The following ASTN2 variants were observed in gnomAD, a reference collection of about 807,000 sequenced individuals.
The protein encoded by ASTN2 is astrotactin-2.
In ASTN2, 54 loss-of-function variants were observed where a neutral mutation model predicts 139.8. That is an observed-to-expected ratio of 0.39 (90% CI 0.31 to 0.48). ASTN2 has a LOEUF of 0.48. ASTN2 is among the 20% of genes least tolerant of loss of function. The probability of loss-of-function intolerance (pLI) is 0.95; values close to 1 mark genes in which losing one functional copy is unlikely to be tolerated. For missense variants in ASTN2, 1,565 were observed against 1,725.1 expected (o/e 0.91, Z 1.64); for synonymous variants, 756 against 719.5 (o/e 1.05, Z -0.81).
intron 10 of ASTN2, among the ~76,000 whole-genome samples, chr9:116,957,923 C>T (rs1017278552): frequency 2.3e-4 from 35 of 152,158 alleles, no homozygotes; most frequent in African/African-American, 8.2e-4. Context: ...TCGTGATCCA[C>T]CTGCCTTGGC....
chr9:116,450,558 T>C (rs1485585265), intron 20 of ASTN2, among the ~76,000 whole-genome samples: 1 of 152,150 alleles, frequency 6.6e-6, no homozygotes, highest in East Asian at 1.9e-4. Context: ...CCCACCATGC[T>C]CTGCTCTCAC....
chr9:117,235,060 C>A (rs1047550125), intron 2 of ASTN2, among the ~76,000 whole-genome samples: 1 of 151,992 alleles, frequency 6.6e-6, no homozygotes, highest in Non-Finnish European at 1.5e-5. Context: ...ATGGTGAAAC[C>A]CTGACTCTAC....
At chr9:116,655,692 C>T (rs1354874011) in intron 16 of ASTN2, among the ~76,000 whole-genome samples, 1 of 151,974 alleles carries the variant, frequency 6.6e-6, no homozygotes, top group East Asian at 1.9e-4. Flanking sequence ...TAACGTACAC[C>T]AAGATTTTTT....
intron 3 of ASTN2, among the ~76,000 whole-genome samples, chr9:117,199,462 TTCTGTTCCATTGG>T (rs1240924986): frequency 6.6e-5 from 10 of 152,338 alleles, no homozygotes; most frequent in African/African-American, 2.4e-4. Context: ...GAAGTCTCTG[TTCTGTTCCATTGG>T]TCTATATGTC....
chr9:116,987,405 G>A lies in ASTN2; in HGVS notation c.1592-10620C>T, dbSNP rs12236213. Among the ~76,000 whole-genome samples, 20 of 152,306 alleles carry A rather than the reference G, an allele frequency of 1.3e-4. No homozygotes were observed. The East Asian group carries it at 2.1e-3, about 16-fold the overall frequency. On this transcript the variant is annotated intron_variant, in intron 7 of 22. Coordinates refer to ENST00000313400, the MANE Select transcript of ASTN2 (RefSeq NM_001365068.1). ...AGGCTGCCAGCCAGGTCCCATGAGGGCCCCTGCTCCAGACTCTCAGCCAGG... is the reference window on the plus strand; with the variant it reads ...AGGCTGCCAGCCAGGTCCCATGAGGACCCCTGCTCCAGACTCTCAGCCAGG...
chr9:116,697,618 A>G (rs1860931339), intron 16 of ASTN2: 7 of 1,227,206 alleles, frequency 5.7e-6, no homozygotes, highest in Non-Finnish European at 8.0e-6. Flanking sequence ...GAATTTATTT[A>G]TATAGTCAGA....
At chr9:117,127,773 CG>C (rs1474768171) in intron 4 of ASTN2, among the ~76,000 whole-genome samples, 1 of 149,186 alleles carries the variant, frequency 6.7e-6, no homozygotes, top group Non-Finnish European at 1.5e-5. Flanking sequence ...CTCCACCTCC[CG>C]GGTTCACGCC....
chr9:117,063,535 C>G (rs1839356978), intron 5 of ASTN2, among the ~76,000 whole-genome samples: 1 of 152,184 alleles, frequency 6.6e-6, no homozygotes, highest in African/African-American at 2.4e-5. Flanking sequence ...ACTGTGAGGC[C>G]TCCCCAGCCA....
At chr9:116,967,039 G>T (rs1356712556) in intron 10 of ASTN2, among the ~76,000 whole-genome samples, 2 of 152,172 alleles carry the variant, frequency 1.3e-5, no homozygotes, top group Non-Finnish European at 2.9e-5. Flanking sequence ...ACATCTTTGT[G>T]CCTCAGTTTC....
intron 17 of ASTN2, among the ~76,000 whole-genome samples, chr9:116,630,900 G>C (rs1856714048): frequency 6.6e-6 from 1 of 151,914 alleles, no homozygotes; most frequent in Admixed American, 6.6e-5. Context: ...GGGCAAGAGA[G>C]CTGAATAGAC....
chr9:117,397,523 T>A (rs188253233), intron 1 of ASTN2, among the ~76,000 whole-genome samples: 1 of 152,242 alleles, frequency 6.6e-6, no homozygotes, highest in African/African-American at 2.4e-5. Context: ...GGAGATCATA[T>A]CTGGTGTATT....
intron 3 of ASTN2, chr9:117,180,548 TTTCA>T (rs1831033539): frequency 2.9e-6 from 2 of 686,262 alleles, no homozygotes; most frequent in African/African-American, 3.6e-5. Flanking sequence ...CATATCCATA[TTTCA>T]GCACACTCAC....
At chr9:116,486,011 T>C (rs1282704117) in intron 20 of ASTN2, among the ~76,000 whole-genome samples, 2 of 152,230 alleles carry the variant, frequency 1.3e-5, no homozygotes, top group African/African-American at 2.4e-5. Flanking sequence ...TGCTTGGAGA[T>C]ACCAAGCCAG....
chr9:116,631,920 C>A (rs1856763436), intron 17 of ASTN2, among the ~76,000 whole-genome samples: 1 of 151,804 alleles, frequency 6.6e-6, no homozygotes, highest in Non-Finnish European at 1.5e-5. Flanking sequence ...TGGAGACCAT[C>A]CTGGCCAACA....
intron 6 of ASTN2, among the ~76,000 whole-genome samples, chr9:117,028,092 C>T (rs1838148089): frequency 6.6e-6 from 1 of 152,134 alleles, no homozygotes; most frequent in African/African-American, 2.4e-5. Context: ...TGAGTTAATC[C>T]CAGAATCTAA....
chr9:117,329,278 C>T (rs1289568344), intron 1 of ASTN2, among the ~76,000 whole-genome samples: 2 of 142,388 alleles, frequency 1.4e-5, no homozygotes, highest in Non-Finnish European at 3.0e-5. Context: ...TTTGAAAACA[C>T]AGGTATGAGG....
rs553810543 is a variant in ASTN2, at chr9:117,329,945, C to T, written c.443-38432G>A. ...CTCAAACTGCCCCATGAAATGGGAA[C>T]TGTTATCGTTCTTATTTTCCCATGA... On this transcript the variant is annotated intron_variant, in intron 1 of 22. Transcript: ENST00000313400. 1.1e-3 allele frequency among the ~76,000 whole-genome samples: 167 copies of T among 152,264 alleles called. 1 individual carries two copies. The highest frequency in any genetic ancestry group is 2.1e-3 in the Non-Finnish European group (143 of 68,024).
chr9:117,319,929 G>T (rs1284337372), intron 1 of ASTN2, among the ~76,000 whole-genome samples: 1 of 152,068 alleles, frequency 6.6e-6, no homozygotes, highest in Non-Finnish European at 1.5e-5. Flanking sequence ...CTGCACCACA[G>T]GTTTAAGTCA....
At chr9:117,015,085 A>T (rs1837637160) in intron 6 of ASTN2, among the ~76,000 whole-genome samples, 1 of 152,166 alleles carries the variant, frequency 6.6e-6, no homozygotes, top group Middle Eastern at 3.4e-3. Context: ...GCGATGACTC[A>T]CTGCAGCCTC....
Sources: gnomAD v4.1 joint callset for allele counts (sites outside exome capture counted in the v4.1 genomes callset) on GRCh38, gnomAD v4.1.1 for gene constraint, MANE v1.5 for transcripts, NCBI Gene and HGNC (gene_info 2026-07-23, HGNC 2026-07-21) for gene names.